The following RAPGEF4 variants were observed in gnomAD, a reference collection of about 807,000 sequenced individuals.
The protein encoded by RAPGEF4 is RAP guanine-nucleotide-exchange factor (GEF) 4.
A neutral mutation model predicts 147.9 loss-of-function variants in RAPGEF4; 66 were observed. That is an observed-to-expected ratio of 0.45 (90% CI 0.37 to 0.55). The LOEUF (loss-of-function observed/expected upper bound fraction) is 0.55, where lower values mean the gene tolerates loss of function less well. RAPGEF4 is among the 20% of genes least tolerant of loss of function. The probability of loss-of-function intolerance (pLI) is 0.00; values close to 1 mark genes in which losing one functional copy is unlikely to be tolerated. For missense variants in RAPGEF4, 1,071 were observed against 1,257.3 expected, an observed-to-expected ratio of 0.85 and a Z score of 2.24; for synonymous variants, 419 against 442.7, an observed-to-expected ratio of 0.95 and a Z score of 0.67.
At chr2:172,974,803 C>T (rs745492465) in intron 10 of RAPGEF4, among the ~76,000 whole-genome samples, 30 of 152,140 alleles carry the variant, frequency 2.0e-4, no homozygotes, top group Non-Finnish European at 3.2e-4. Flanking sequence ...GATTCCCAGG[C>T]GTGCTGCTAA....
At chr2:173,029,386 G>A (rs1035581648) in intron 25 of RAPGEF4, among the ~76,000 whole-genome samples, 6 of 152,192 alleles carry the variant, frequency 3.9e-5, no homozygotes, top group Non-Finnish European at 2.9e-5. Context: ...TCAGGGACCT[G>A]GTATGAAGAA....
intron 9 of RAPGEF4, among the ~76,000 whole-genome samples, chr2:172,966,173 A>G (rs1689820577): frequency 6.6e-6 from 1 of 152,220 alleles, no homozygotes; most frequent in South Asian, 2.1e-4. Flanking sequence ...TGTGCTCTGC[A>G]ATTGTGGCTC....
At chr2:172,924,602 A>G (rs1426393628) in intron 6 of RAPGEF4, among the ~76,000 whole-genome samples, 2 of 152,238 alleles carry the variant, frequency 1.3e-5, no homozygotes, top group Non-Finnish European at 2.9e-5. Context: ...CTCCAATGCC[A>G]TCAGTCAAAG....
At chr2:173,022,223 A>C (rs1696171392) in intron 23 of RAPGEF4, among the ~76,000 whole-genome samples, 1 of 152,204 alleles carries the variant, frequency 6.6e-6, no homozygotes, top group South Asian at 2.1e-4. Context: ...AGACACAGGG[A>C]GTGCAGACTG....
chr2:172,851,709 C>T (rs1692849162), intron 4 of RAPGEF4, among the ~76,000 whole-genome samples: 1 of 152,138 alleles, frequency 6.6e-6, no homozygotes, highest in Non-Finnish European at 1.5e-5. Flanking sequence ...AAACCAAACA[C>T]TGCCATGTTC....
chr2:172,844,764 T>C (rs1276838592), intron 4 of RAPGEF4, among the ~76,000 whole-genome samples: 1 of 152,180 alleles, frequency 6.6e-6, no homozygotes, highest in Non-Finnish European at 1.5e-5. Context: ...CTAAGGCCTG[T>C]GTTTTTGTTT....
chr2:172,914,005 C>T (rs1033373300), intron 4 of RAPGEF4, among the ~76,000 whole-genome samples: 1 of 152,150 alleles, frequency 6.6e-6, no homozygotes, highest in African/African-American at 2.4e-5. Context: ...GGTATATACA[C>T]CATGCTGTAG....
In RAPGEF4 at chr2:172,907,358, C is replaced by T. The variant is rs189671589; in HGVS notation, c.445-10444C>T. ...CCTTCCCTCTTCCCTCTATTCTGAG[C>T]CACAGGCACTTACTTTGCTCTAAAA... On this transcript the variant is annotated intron_variant, in intron 4 of 30. Transcript: ENST00000397081. Among the ~76,000 whole-genome samples the T allele has an allele frequency of 9.1e-4, 139 of 152,320 alleles. 1 individual carries two copies. The Middle Eastern group carries it at 0.02, about 22-fold the overall frequency.
chr2:172,888,830 T>C (rs1042305491), intron 4 of RAPGEF4, among the ~76,000 whole-genome samples: 4 of 152,208 alleles, frequency 2.6e-5, no homozygotes, highest in Non-Finnish European at 5.9e-5. Flanking sequence ...ATCTGAGTGA[T>C]GGTGATTTCA....
chr2:172,806,893 T>C (rs1390583019), intron 3 of RAPGEF4, among the ~76,000 whole-genome samples: 1 of 152,260 alleles, frequency 6.6e-6, no homozygotes, highest in South Asian at 2.1e-4. Flanking sequence ...CATTGCATTT[T>C]TGTTTACAAA....
At chr2:172,920,999 A>T (rs537934058) in intron 5 of RAPGEF4, among the ~76,000 whole-genome samples, 1 of 152,200 alleles carries the variant, frequency 6.6e-6, no homozygotes, top group East Asian at 1.9e-4. Flanking sequence ...CCAGGTGTGG[A>T]TCAAAGCTTC....
chr2:172,965,186 A>G (rs1689698876), intron 8 of RAPGEF4: 1 of 223,546 alleles, frequency 4.5e-6, no homozygotes, highest in Non-Finnish European at 8.9e-6. Flanking sequence ...GAGAGTCAGT[A>G]TGTATTTTGC....
At chr2:172,866,457 G>T (rs1559084823) in intron 4 of RAPGEF4, among the ~76,000 whole-genome samples, 1 of 152,034 alleles carries the variant, frequency 6.6e-6, no homozygotes, top group Non-Finnish European at 1.5e-5. Flanking sequence ...GTCTCTGTAG[G>T]CTTATCTTTC....
At chr2:173,011,513 C>A (rs923097747) in intron 17 of RAPGEF4, among the ~76,000 whole-genome samples, 5 of 152,140 alleles carry the variant, frequency 3.3e-5, no homozygotes, top group Admixed American at 1.3e-4. Flanking sequence ...AAGCTCTATA[C>A]ACATGTTATC....
chr2:172,795,840 AT>A (rs1686308592), intron 2 of RAPGEF4, among the ~76,000 whole-genome samples: 1 of 152,146 alleles, frequency 6.6e-6, no homozygotes, highest in Non-Finnish European at 1.5e-5. Context: ...TCCTTCCTGT[AT>A]TTTTTGTTTT....
Position 173,042,633 on chromosome 2 carries a change from A to T in RAPGEF4, c.2853+5941A>T, listed in dbSNP as rs1205647587. Among the ~76,000 whole-genome samples, 1 of 151,814 alleles carries T rather than the reference A, an allele frequency of 6.6e-6. No individual in the cohort carries two copies. The highest frequency in any genetic ancestry group is 1.5e-5 in the Non-Finnish European group (1 of 67,954). On this transcript the variant is annotated intron_variant, in intron 29 of 30. Coordinates refer to ENST00000397081, the MANE Select transcript of RAPGEF4 (RefSeq NM_007023.4). The surrounding 1 kb of genome is among the most constrained non-coding windows in gnomAD (Gnocchi z 4.2). ...GTAAGACTCCAAATCAAAAAAAAAA[A>T]GGGAAAGAAAATTGGATTAACCAAA...
intron 6 of RAPGEF4, among the ~76,000 whole-genome samples, chr2:172,948,394 G>A (rs1687891156): frequency 6.6e-6 from 1 of 152,072 alleles, no homozygotes; most frequent in African/African-American, 2.4e-5. Context: ...ATAACTTCTA[G>A]GTAATTCTTA....
At chr2:172,928,290 G>A (rs907173324) in intron 6 of RAPGEF4, 7 of 445,782 alleles carry the variant, frequency 1.6e-5, no homozygotes, top group Middle Eastern at 3.3e-4. Context: ...TATTCCATCT[G>A]TTCCTCAACT....
intron 4 of RAPGEF4, among the ~76,000 whole-genome samples, chr2:172,862,684 A>T (rs1431895449): frequency 6.6e-6 from 1 of 152,228 alleles, no homozygotes; most frequent in African/African-American, 2.4e-5. Flanking sequence ...GTTGCAACAC[A>T]GATCACCCTC....
Sources: allele counts gnomAD v4.1 joint callset (sites outside exome capture counted in the v4.1 genomes callset), GRCh38; gene constraint gnomAD v4.1.1; non-coding constraint Gnocchi (gnomAD v3.1); transcripts MANE v1.5; gene names NCBI Gene and HGNC (gene_info 2026-07-23, HGNC 2026-07-21).